AGBL3: variants seen among roughly 807,000 people sequenced by gnomAD.
AGBL3 encodes AGBL carboxypeptidase 3, also known as cytosolic carboxypeptidase 3.
A neutral mutation model predicts 94.5 loss-of-function variants in AGBL3; 68 were observed. That is an observed-to-expected ratio of 0.72 (90% confidence interval 0.59 to 0.88). The LOEUF (loss-of-function observed/expected upper bound fraction) is 0.88, where lower values mean the gene tolerates loss of function less well. Ranked by LOEUF, AGBL3 falls within the 40% of genes least tolerant of loss-of-function variation. The probability of loss-of-function intolerance (pLI) is 0.00; values close to 1 mark genes in which losing one functional copy is unlikely to be tolerated. For synonymous variants in AGBL3, 354 were observed against 370.7 expected (o/e 0.95, Z 0.52); for missense variants, 934 against 1,103.8 (o/e 0.85, Z 2.18).
chr7:135,023,174 G>A (rs1814699715), intron 5 of AGBL3, among the ~76,000 whole-genome samples: 1 of 152,096 alleles, frequency 6.6e-6, no homozygotes, highest in African/African-American at 2.4e-5. Flanking sequence ...TTTTTCATGT[G>A]CTATAGAAAC....
Position 135,128,737 on chromosome 7 carries a change from A to C in AGBL3, c.2343-6104A>C, listed in dbSNP as rs1828311267. On this transcript the variant is annotated intron_variant, in intron 16 of 16. Transcript: ENST00000436302. ...TCTCAGAAAAAAAGTGCAGAGAAGG[A>C]CAGCTCAAGCCTCTCCCAACACAGA... 4.3e-6 allele frequency: 6 copies of C among 1,382,102 alleles called. No homozygotes were observed. In the Admixed American group the frequency reaches 1.1e-4, roughly 24 times the overall value. The allele number at this position is 1,382,102 out of a possible 1,614,324, so 85.6% of individuals were successfully genotyped here.
At chr7:134,993,952 A>C (rs2133376610) in intron 4 of AGBL3, among the ~76,000 whole-genome samples, 1 of 152,340 alleles carries the variant, frequency 6.6e-6, no homozygotes, top group South Asian at 2.1e-4. Context: ...TCTGGTGTGC[A>C]TTTATCTTTA....
intron 15 of AGBL3, 24 bp from the exon 16 acceptor site, chr7:135,115,356 C>T (rs893306877): frequency 1.4e-5 from 20 of 1,415,416 alleles, no homozygotes; most frequent in Non-Finnish European, 1.9e-5. Context: ...TATCTCTGTA[C>T]ATATTTTTGT....
At chr7:135,101,998 A>G (rs1464212589) in intron 15 of AGBL3, among the ~76,000 whole-genome samples, 1 of 152,186 alleles carries the variant, frequency 6.6e-6, no homozygotes, top group Non-Finnish European at 1.5e-5. Context: ...GCCTGCTTCC[A>G]TGTAAGACGT....
chr7:134,988,257 A>G (rs1294404068), intron 2 of AGBL3: 1 of 309,010 alleles, frequency 3.2e-6, no homozygotes, highest in East Asian at 7.8e-5. Flanking sequence ...TAAAATTTGT[A>G]TATGAAATTA....
intron 5 of AGBL3, among the ~76,000 whole-genome samples, chr7:135,029,363 T>C (rs528284241): frequency 1.3e-5 from 2 of 152,238 alleles, no homozygotes; most frequent in Non-Finnish European, 2.9e-5. Flanking sequence ...ACTGGACAAC[T>C]TGCTGAAGTT....
At chr7:135,129,367 C>A (rs2117321226) in intron 16 of AGBL3, 3 of 891,722 alleles carry the variant, frequency 3.4e-6, no homozygotes, top group Middle Eastern at 2.9e-4. Flanking sequence ...TACCTGCAAG[C>A]AGATAAGGCC....
chr7:135,025,925 T>C (rs1815042355), intron 5 of AGBL3, among the ~76,000 whole-genome samples: 1 of 151,500 alleles, frequency 6.6e-6, no homozygotes, highest in Admixed American at 6.6e-5. Flanking sequence ...CATCGTTTCA[T>C]AAAAGTTCTT....
chr7:135,106,796 T>C (rs1824790753), intron 15 of AGBL3, among the ~76,000 whole-genome samples: 1 of 152,192 alleles, frequency 6.6e-6, no homozygotes, highest in African/African-American at 2.4e-5. Context: ...TGGTACCAGC[T>C]CGTCTTTGTA....
intron 12 of AGBL3, 90 bp downstream of exon 12, chr7:135,059,325 T>C (rs553139269): frequency 1.4e-6 from 1 of 721,136 alleles, no homozygotes; most frequent in East Asian, 3.1e-5. Flanking sequence ...AAATTGCAGA[T>C]ATGTAATTAT....
chr7:135,105,737 C>A (rs1671824891), intron 15 of AGBL3, among the ~76,000 whole-genome samples: 1 of 152,034 alleles, frequency 6.6e-6, no homozygotes, highest in South Asian at 2.1e-4. Context: ...TGTTTGTTTC[C>A]ATATGATTTT....
At chr7:135,044,837 A>G (rs924409186) in intron 9 of AGBL3, among the ~76,000 whole-genome samples, 2 of 140,390 alleles carry the variant, frequency 1.4e-5, no homozygotes, top group Non-Finnish European at 3.1e-5. Context: ...AGCATTAGGT[A>G]TATCTCCCAG....
At chr7:135,068,780 A>G (rs1465786731) in intron 12 of AGBL3, among the ~76,000 whole-genome samples, 1 of 152,222 alleles carries the variant, frequency 6.6e-6, no homozygotes, top group African/African-American at 2.4e-5. Flanking sequence ...CACTGCAAAA[A>G]CATGCCAAAT....
At chr7:135,028,178 G>A (rs1335710588) in intron 5 of AGBL3, among the ~76,000 whole-genome samples, 1 of 151,566 alleles carries the variant, frequency 6.6e-6, no homozygotes, top group African/African-American at 2.4e-5. Flanking sequence ...GATCAGGGTG[G>A]TGGTTGCTGA....
intron 12 of AGBL3, among the ~76,000 whole-genome samples, chr7:135,073,512 A>AAACT (rs147975473): frequency 3.7e-4 from 53 of 144,122 alleles, no homozygotes; most frequent in Non-Finnish European, 6.1e-4. Context: ...ATAAATAAAT[A>AAACT]AACCTTGCAG....
chr7:135,130,780 G>C (rs1365721520), intron 16 of AGBL3, among the ~76,000 whole-genome samples: 1 of 152,090 alleles, frequency 6.6e-6, no homozygotes, highest in Non-Finnish European at 1.5e-5. Flanking sequence ...CAAGCTATGG[G>C]AATTTGGCTT....
chr7:135,020,410 A>C (rs901855019), intron 5 of AGBL3, among the ~76,000 whole-genome samples: 13 of 152,284 alleles, frequency 8.5e-5, no homozygotes, highest in Non-Finnish European at 1.8e-4. Context: ...CAGGAAACAA[A>C]GGGTGCTGGA....
intron 4 of AGBL3, chr7:135,010,039 A>G (rs1417029136): frequency 4.8e-6 from 2 of 413,380 alleles, no homozygotes; most frequent in Non-Finnish European, 9.4e-6. Flanking sequence ...TTTTTTTTTT[A>G]AGATGGAGTC....
At chr7:134,991,241 G>A (rs891880891) in intron 3 of AGBL3, among the ~76,000 whole-genome samples, 1 of 150,818 alleles carries the variant, frequency 6.6e-6, no homozygotes, top group Non-Finnish European at 1.5e-5. Flanking sequence ...AGTTTTCATA[G>A]TCTCTGAGAG....
Sources: gnomAD v4.1 joint callset for allele counts (sites outside exome capture counted in the v4.1 genomes callset) on GRCh38, gnomAD v4.1.1 for gene constraint, MANE v1.5 for transcripts, NCBI Gene and HGNC (gene_info 2026-07-23, HGNC 2026-07-21) for gene names.